Variants in ANKS1B observed in about 807,000 individuals in gnomAD.
The protein encoded by ANKS1B is ankyrin repeat and sterile alpha motif domain containing 1B.
Under a neutral mutation model 148.3 loss-of-function variants are expected in ANKS1B, and 36 were observed. The ratio of observed to expected loss-of-function variants is 0.24; its 90% CI spans 0.19 to 0.32. The LOEUF is 0.32. Ranked by LOEUF, ANKS1B falls within the 10% of genes least tolerant of loss-of-function variation. The pLI, the probability that ANKS1B is intolerant of heterozygous loss-of-function variation, is 1.00. For synonymous variants in ANKS1B, 542 were observed against 560.8 expected, an observed-to-expected ratio of 0.97 and a Z score of 0.47; for missense variants, 1,157 against 1,542.6, an observed-to-expected ratio of 0.75 and a Z score of 4.19.
At chr12:98,786,368 T>C (rs2098794896) in intron 22 of ANKS1B, among the ~76,000 whole-genome samples, 1 of 152,194 alleles carries the variant, frequency 6.6e-6, no homozygotes, top group Non-Finnish European at 1.5e-5. Flanking sequence ...GAATTTCATA[T>C]CTGGAGGTGG....
At chr12:99,553,633 T>C (rs2097246927) in intron 9 of ANKS1B, among the ~76,000 whole-genome samples, 1 of 152,224 alleles carries the variant, frequency 6.6e-6, no homozygotes. Flanking sequence ...AAAACTTTAC[T>C]TACACAAACA....
rs749958337 is a variant in ANKS1B, at chr12:99,671,856, A to T, written c.1129-16646T>A. Among the ~76,000 whole-genome samples, 233 of 151,932 alleles carry T rather than the reference A, an allele frequency of 1.5e-3. 2 individuals carry two copies. The highest frequency in any genetic ancestry group is 1.3e-3 in the Non-Finnish European group (85 of 67,950). ...TTGTATGCTCAATAGCATTCAGTAA[A>T]TTTTTTTTGGTTGAAAAATTTATTA... On this transcript the variant is annotated intron_variant, in intron 8 of 26. Coordinates refer to ENST00000683438, the MANE Select transcript of ANKS1B (RefSeq NM_001352186.2).
At chr12:99,546,201 C>T (rs767147027) in intron 9 of ANKS1B, among the ~76,000 whole-genome samples, 1 of 152,020 alleles carries the variant, frequency 6.6e-6, no homozygotes, top group African/African-American at 2.4e-5. Flanking sequence ...GAAGTGAAAT[C>T]TAAGAGAAAT....
At chr12:99,260,691 C>T (rs1253241307) in intron 12 of ANKS1B, among the ~76,000 whole-genome samples, 6 of 152,068 alleles carry the variant, frequency 3.9e-5, no homozygotes, top group African/African-American at 1.2e-4. Flanking sequence ...TTCAACTCTG[C>T]GAGTGTTTCC....
chr12:99,326,602 C>T lies in ANKS1B; in HGVS notation c.1756+73029G>A, dbSNP rs572219082. Among the ~76,000 whole-genome samples the T allele has an allele frequency of 1.5e-3, 221 of 152,106 alleles. 2 individuals carry two copies. Among genetic ancestry groups the T allele is most frequent in the Non-Finnish European group, 1.2e-3 (81 of 67,970 alleles). On this transcript the variant is annotated intron_variant, in intron 12 of 26. Transcript: ENST00000683438. ...CATTAACATTGTTAAATTCCCAGTA[C>T]AGGACTTGAGGGATGAACTAAATGT...
intron 9 of ANKS1B, among the ~76,000 whole-genome samples, chr12:99,530,013 G>T (rs2096971403): frequency 6.6e-6 from 1 of 152,118 alleles, no homozygotes; most frequent in African/African-American, 2.4e-5. Context: ...ACCAACCAGA[G>T]ATTTTAAACA....
intron 1 of ANKS1B, among the ~76,000 whole-genome samples, chr12:99,909,256 G>A (rs866576064): frequency 3.4e-5 from 5 of 148,242 alleles, no homozygotes; most frequent in Admixed American, 7.2e-5. Context: ...GTGTGTGTGT[G>A]TGTGTGTGTG....
intron 25 of ANKS1B, among the ~76,000 whole-genome samples, chr12:98,771,815 T>G (rs2098584414): frequency 6.6e-6 from 1 of 152,136 alleles, no homozygotes; most frequent in Non-Finnish European, 1.5e-5. Context: ...GGCCAAATCT[T>G]GGAGTTCCCA....
At chr12:98,957,401 G>T (rs1378918785) in intron 17 of ANKS1B, among the ~76,000 whole-genome samples, 4 of 151,732 alleles carry the variant, frequency 2.6e-5, no homozygotes, top group Non-Finnish European at 4.4e-5. Context: ...AGGCTGGAGT[G>T]CAGTGGCGTG....
intron 8 of ANKS1B, among the ~76,000 whole-genome samples, chr12:99,694,693 G>A (rs773320273): frequency 6.6e-6 from 1 of 152,112 alleles, no homozygotes; most frequent in East Asian, 1.9e-4. Context: ...GACTAAAATT[G>A]TAAAGAGTTA....
chr12:99,958,405 C>T (rs991013065), intron 1 of ANKS1B, among the ~76,000 whole-genome samples: 2 of 152,076 alleles, frequency 1.3e-5, no homozygotes, highest in Non-Finnish European at 2.9e-5. Context: ...TTTTTTGAGA[C>T]AGGGTCTCAC....
At chr12:99,589,612 T>C (rs1345513030) in intron 9 of ANKS1B, among the ~76,000 whole-genome samples, 1 of 152,172 alleles carries the variant, frequency 6.6e-6, no homozygotes, top group African/African-American at 2.4e-5. Context: ...TACAAAAGCC[T>C]TAAAAAAGAT....
At chr12:99,774,993 G>C (rs375416594) in intron 7 of ANKS1B, among the ~76,000 whole-genome samples, 2 of 152,182 alleles carry the variant, frequency 1.3e-5, no homozygotes, top group East Asian at 1.9e-4. Context: ...CAGGGGCTGG[G>C]GAGTGGAGGA....
intron 12 of ANKS1B, among the ~76,000 whole-genome samples, chr12:99,294,273 C>A (rs894862712): frequency 6.6e-6 from 1 of 152,150 alleles, no homozygotes; most frequent in East Asian, 1.9e-4. Context: ...TGGAAGCAAC[C>A]TTTTGTCCAT....
At chr12:98,869,142 C>G (rs2099640455) in intron 17 of ANKS1B, among the ~76,000 whole-genome samples, 2 of 152,140 alleles carry the variant, frequency 1.3e-5, no homozygotes, top group African/African-American at 4.8e-5. Flanking sequence ...AGACATGTCA[C>G]CAAAGACACT....
At chr12:99,870,261 A>G (rs2091334244) in intron 1 of ANKS1B, among the ~76,000 whole-genome samples, 2 of 152,194 alleles carry the variant, frequency 1.3e-5, no homozygotes, top group Admixed American at 1.3e-4. Flanking sequence ...TGTTGCTGTA[A>G]AGGACATGAT....
chr12:99,321,056 T>A (rs1275747580), intron 12 of ANKS1B, among the ~76,000 whole-genome samples: 1 of 152,164 alleles, frequency 6.6e-6, no homozygotes, highest in African/African-American at 2.4e-5. Context: ...GCCTGATACT[T>A]CCTCTGGAAG....
intron 19 of ANKS1B, among the ~76,000 whole-genome samples, chr12:98,818,525 T>C (rs976741092): frequency 6.6e-6 from 1 of 152,172 alleles, no homozygotes; most frequent in East Asian, 1.9e-4. Context: ...TTTGAGTCAA[T>C]TGGGATCATG....
At position 99,482,486 on chromosome 12, in the gene ANKS1B, G is replaced by C. The variant is rs192205330; in HGVS notation, c.1438+21990C>G. ...TGATGCCTCCAGATTTGTTCTTTTTGCTTAGGGTCACTTTGGCTATTTGGG... is the reference window on the plus strand; with the variant it reads ...TGATGCCTCCAGATTTGTTCTTTTTCCTTAGGGTCACTTTGGCTATTTGGG... On this transcript the variant is annotated intron_variant, in intron 10 of 26. Transcript: ENST00000683438. 5.3e-5 allele frequency among the ~76,000 whole-genome samples: 8 copies of C among 151,970 alleles called. No individual in the cohort carries two copies. The East Asian group carries it at 1.5e-3, about 29-fold the overall frequency.
Sources: allele counts gnomAD v4.1 joint callset (sites outside exome capture counted in the v4.1 genomes callset), GRCh38; gene constraint gnomAD v4.1.1; transcripts MANE v1.5; gene names NCBI Gene and HGNC (gene_info 2026-07-23, HGNC 2026-07-21).